Variants in LHFPL3 observed in about 807,000 individuals in gnomAD.
LHFPL3 encodes LHFPL tetraspan subfamily member 3 protein.
LHFPL3 carries 5 observed loss-of-function variants against 19.3 expected under a neutral mutation model. That is an observed-to-expected ratio of 0.26 (90% CI 0.14 to 0.54). The LOEUF (loss-of-function observed/expected upper bound fraction) is 0.54. Ranked by LOEUF, LHFPL3 falls within the 20% of genes least tolerant of loss-of-function variation. The pLI is 0.94. For missense variants in LHFPL3, 249 were observed against 307.4 expected (o/e 0.81, Z 1.42); for synonymous variants, 133 against 126.2 (o/e 1.05, Z -0.36).
intron 2 of LHFPL3, among the ~76,000 whole-genome samples, chr7:104,839,393 G>A (rs981538428): frequency 5.3e-5 from 8 of 152,274 alleles, no homozygotes; most frequent in African/African-American, 1.4e-4. Context: ...GGGGCCAAGC[G>A]TGGTGGCTCA....
At chr7:104,841,905 C>T (rs990593001) in intron 2 of LHFPL3, among the ~76,000 whole-genome samples, 10 of 151,914 alleles carry the variant, frequency 6.6e-5, no homozygotes, top group Non-Finnish European at 1.2e-4. Context: ...CCACTCCTGA[C>T]ACCAGAGAAA....
chr7:104,454,740 T>C (rs7811730), intron 1 of LHFPL3, among the ~76,000 whole-genome samples: 35,759 of 152,036 alleles, frequency 0.24, 4,855 homozygotes, highest in African/African-American at 0.38. Flanking sequence ...GTTTGTTTCC[T>C]TCTCTACCAT....
intron 1 of LHFPL3, among the ~76,000 whole-genome samples, chr7:104,549,903 G>A (rs573727552): frequency 5.3e-5 from 8 of 152,248 alleles, no homozygotes; most frequent in Admixed American, 2.0e-4. Flanking sequence ...TACAGCAGAG[G>A]CCAAAGGGAA....
At chr7:104,752,051 T>C (rs1794184122) in intron 2 of LHFPL3, among the ~76,000 whole-genome samples, 1 of 152,164 alleles carries the variant, frequency 6.6e-6, no homozygotes, top group East Asian at 1.9e-4. Flanking sequence ...CCAGTATTGA[T>C]AGGCTACTGG....
Position 104,430,462 on chromosome 7 carries a change from T to A in LHFPL3, c.445+101238T>A, listed in dbSNP as rs1365251004. On this transcript the variant is annotated intron_variant, in intron 1 of 2. Transcript: ENST00000424859. ...TATATATATATATATATATTTTTTT[T>A]TTTTTTTTTTTTTTTTTTTTTTTTG... Among the ~76,000 whole-genome samples, 88 of 20,670 alleles carry A rather than the reference T, an allele frequency of 4.3e-3. 2 individuals carry two copies. The highest frequency in any genetic ancestry group is 5.0e-3 in the Non-Finnish European group (61 of 12,118). 13.6% of individuals were successfully genotyped at this position (20,670 alleles called of 152,430 possible).
At chr7:104,379,254 A>G (rs1003421831) in intron 1 of LHFPL3, among the ~76,000 whole-genome samples, 1 of 152,206 alleles carries the variant, frequency 6.6e-6, no homozygotes, top group Non-Finnish European at 1.5e-5. Flanking sequence ...GACGGAGTCA[A>G]ATCTCCAAAT....
chr7:104,565,311 C>T (rs543228321), intron 1 of LHFPL3, among the ~76,000 whole-genome samples: 1 of 152,152 alleles, frequency 6.6e-6, no homozygotes, highest in African/African-American at 2.4e-5. Context: ...TTGAGTCCAC[C>T]TCCTAATAAG....
chr7:104,669,383 G>C (rs1477282333), intron 1 of LHFPL3: 3 of 1,613,726 alleles, frequency 1.9e-6, no homozygotes, highest in Admixed American at 1.7e-5. Context: ...CGTGGTCCAG[G>C]AGACTGAGGG....
At chr7:104,840,455 C>T (rs1489796202) in intron 2 of LHFPL3, among the ~76,000 whole-genome samples, 4 of 148,036 alleles carry the variant, frequency 2.7e-5, no homozygotes, top group African/African-American at 9.9e-5. Flanking sequence ...GCACATGCCA[C>T]CATGCTAATT....
chr7:104,691,844 G>C (rs1236928087), intron 1 of LHFPL3, among the ~76,000 whole-genome samples: 1 of 152,214 alleles, frequency 6.6e-6, no homozygotes, highest in African/African-American at 2.4e-5. Context: ...TTAGAGACTT[G>C]GAGGGCTCAG....
At chr7:104,887,699 C>T (rs534212693) in intron 2 of LHFPL3, among the ~76,000 whole-genome samples, 2 of 152,186 alleles carry the variant, frequency 1.3e-5, no homozygotes, top group Admixed American at 6.5e-5. Flanking sequence ...GGCAGAGAAA[C>T]GACAGCCTCT....
intron 1 of LHFPL3, among the ~76,000 whole-genome samples, chr7:104,611,643 A>G (rs1012345174): frequency 1.9e-4 from 29 of 152,206 alleles, no homozygotes; most frequent in African/African-American, 7.0e-4. Flanking sequence ...TTTTCCCTTC[A>G]TCTTCTCATT....
chr7:104,478,271 A>G (rs113753551), intron 1 of LHFPL3, among the ~76,000 whole-genome samples: 120 of 152,252 alleles, frequency 7.9e-4, no homozygotes, highest in African/African-American at 2.7e-3. Flanking sequence ...AACTTCTACA[A>G]AATTACCTGG....
At chr7:104,454,042 C>G (rs1792495136) in intron 1 of LHFPL3, among the ~76,000 whole-genome samples, 3 of 152,174 alleles carry the variant, frequency 2.0e-5, no homozygotes, top group Admixed American at 2.0e-4. Flanking sequence ...GCCTAATACG[C>G]CTGTCTACAG....
At chr7:104,520,616 A>C (rs2115806627) in intron 1 of LHFPL3, among the ~76,000 whole-genome samples, 1 of 142,008 alleles carries the variant, frequency 7.0e-6, no homozygotes, top group East Asian at 2.0e-4. Context: ...TTATTGCCAC[A>C]ATTTCAGATC....
At chr7:104,728,311 T>C (rs1793627891) in intron 1 of LHFPL3, among the ~76,000 whole-genome samples, 2 of 152,124 alleles carry the variant, frequency 1.3e-5, no homozygotes, top group Admixed American at 1.3e-4. Context: ...AGCAACCCTC[T>C]TGCTAGCTTC....
At position 104,861,461 on chromosome 7, in the gene LHFPL3, T is replaced by G. The variant is rs974425770; in HGVS notation, c.683-44726T>G. On this transcript the variant is annotated intron_variant, in intron 2 of 2. Coordinates refer to ENST00000424859, the MANE Select transcript of LHFPL3 (RefSeq NM_199000.3). ...CTTCAAACAGGGTAATTTAGGATAG[T>G]TGGGAGAAGCAGCTATTTCCACAGC... Among the ~76,000 whole-genome samples the G allele has an allele frequency of 7.9e-5, 12 of 152,200 alleles. 1 individual carries two copies. The highest frequency in any genetic ancestry group is 2.9e-4 in the African/African-American group (12 of 41,514).
At chr7:104,595,532 G>A (rs1482611028) in intron 1 of LHFPL3, among the ~76,000 whole-genome samples, 2 of 152,216 alleles carry the variant, frequency 1.3e-5, no homozygotes, top group Non-Finnish European at 2.9e-5. Flanking sequence ...ACCCACTTGA[G>A]GAAGCAGTCT....
At chr7:104,798,370 T>A (rs965621276) in intron 2 of LHFPL3, 1 of 152,214 alleles carries the variant, frequency 6.6e-6, no homozygotes, top group African/African-American at 2.4e-5. Context: ...ATGTAAATGA[T>A]TATTTAGGAT....
Sources: gnomAD v4.1 joint callset for allele counts (sites outside exome capture counted in the v4.1 genomes callset) on GRCh38, gnomAD v4.1.1 for gene constraint, MANE v1.5 for transcripts, NCBI Gene and HGNC (gene_info 2026-07-23, HGNC 2026-07-21) for gene names.